Variants in SHC2 observed in about 807,000 individuals in gnomAD.
The protein encoded by SHC2 is SHC-transforming protein 2.
SHC2 carries 62 observed loss-of-function variants against 60.6 expected under a neutral mutation model. That is an observed-to-expected ratio of 1.02 (90% CI 0.83 to 1.26). The LOEUF is 1.26. SHC2 is among the 50% of genes most tolerant of loss of function. The pLI is 0.00. For synonymous variants in SHC2, 375 were observed against 372.4 expected (o/e 1.01, Z -0.08); for missense variants, 873 against 822.2 (o/e 1.06, Z -0.76).
chr19:436,579 G>A lies in SHC2; in HGVS notation c.774+51C>T, dbSNP rs531560343. ...CTGGGGAAGGATGAGAGGGTCTCGC[G>A]GCCGGAGGGGGGCGGCAGGGCTGCA... On this transcript the variant is annotated intron_variant, in intron 5 of 12. Coordinates refer to ENST00000264554, the MANE Select transcript of SHC2 (RefSeq NM_012435.3). The A allele has an allele frequency of 3.3e-5, 52 of 1,589,520 alleles. No homozygotes were observed. In the African/African-American group the frequency reaches 4.7e-4, roughly 14 times the overall value.
At chr19:429,448 C>A (rs1410940946) in intron 9 of SHC2, among the ~76,000 whole-genome samples, 1 of 149,812 alleles carries the variant, frequency 6.7e-6, no homozygotes, top group African/African-American at 2.5e-5. Context: ...TATCTACACC[C>A]AACGTGCACA....
intron 1 of SHC2, among the ~76,000 whole-genome samples, chr19:447,045 A>C (rs1975068998): frequency 6.6e-6 from 1 of 152,244 alleles, no homozygotes; most frequent in African/African-American, 2.4e-5. Flanking sequence ...AATTGCGTTT[A>C]CTTTTTAAAG....
At chr19:455,049 G>C (rs530301670) in intron 1 of SHC2, among the ~76,000 whole-genome samples, 1 of 152,312 alleles carries the variant, frequency 6.6e-6, no homozygotes, top group Non-Finnish European at 1.5e-5. Flanking sequence ...TGAATCCAAC[G>C]TGACCTTGTT....
chr19:441,722 G>C lies in SHC2; in HGVS notation c.469-790C>G, dbSNP rs966497616. Among the ~76,000 whole-genome samples, 1 of 152,240 alleles carries C rather than the reference G, an allele frequency of 6.6e-6. No homozygotes were observed. The highest frequency in any genetic ancestry group is 1.5e-5 in the Non-Finnish European group (1 of 68,046). On this transcript the variant is annotated intron_variant, in intron 1 of 12. Transcript: ENST00000264554. The surrounding 1 kb of genome is among the most constrained non-coding windows in gnomAD (Gnocchi z 4.9). ...CCTACTGGGGTCATGAGAAATTCTG[G>C]AATTAGACAGAAGGGGTGGTGGCAC...
chr19:436,831 G>A (rs749934068), intron 4 of SHC2, 148 bp from the exon 5 acceptor site: 4 of 778,794 alleles, frequency 5.1e-6, no homozygotes, highest in South Asian at 3.4e-5. Context: ...CACTGCAGCC[G>A]GGTCCTGGGT....
rs1208433885 is a variant in SHC2 at position 446,168 on chromosome 19, G to A, written c.469-5236C>T. 6.6e-6 allele frequency among the ~76,000 whole-genome samples: 1 copy of A among 152,110 alleles called. No homozygotes were observed. Among genetic ancestry groups the A allele is most frequent in the Non-Finnish European group, 1.5e-5 (1 of 68,024 alleles). ...AGGCCGGCCCCCAGGCACCAGACAC[G>A]GGAGAGAGGCCTGGGACAGAGCCTC... On this transcript the variant is annotated intron_variant, in intron 1 of 12. Transcript: ENST00000264554. This position sits in a 1 kb window ranked among gnomAD's most constrained non-coding sequence, Gnocchi z 5.4.
chr19:457,872 A>G (rs1176786995), intron 1 of SHC2, among the ~76,000 whole-genome samples: 1 of 152,232 alleles, frequency 6.6e-6, no homozygotes, highest in African/African-American at 2.4e-5. Context: ...GGAGACGGCG[A>G]GGGCGGCCCG....
rs974841145 is a variant in SHC2, at chr19:441,612, C to T, written c.469-680G>A. Among the ~76,000 whole-genome samples, 2 of 152,188 alleles carry T rather than the reference C, an allele frequency of 1.3e-5. No homozygotes were observed. The highest frequency in any genetic ancestry group is 4.8e-5 in the African/African-American group (2 of 41,448). On this transcript the variant is annotated intron_variant, in intron 1 of 12. Coordinates refer to ENST00000264554, the MANE Select transcript of SHC2 (RefSeq NM_012435.3). The surrounding 1 kb of genome is among the most constrained non-coding windows in gnomAD (Gnocchi z 4.9). The stretch of plus-strand genomic sequence containing the variant: ...GGAGGGTAAGGGGCACAGCCCACGT[C>T]ATCTCTATGAAATGTCCTACAGAGG...
intron 1 of SHC2, among the ~76,000 whole-genome samples, chr19:457,509 C>T (rs138524903): frequency 1.5e-3 from 222 of 148,110 alleles, no homozygotes; most frequent in Non-Finnish European, 2.3e-3. Context: ...TCTGCAGAGC[C>T]GCTACCAGAA....
chr19:434,635 A>C (rs545185000), intron 8 of SHC2, 74 bp downstream of exon 8: 2 of 1,418,052 alleles, frequency 1.4e-6, no homozygotes, highest in African/African-American at 1.5e-5. Flanking sequence ...AGCAGAAAGA[A>C]GAGCTGGAGG....
Position 422,824 on chromosome 19 carries a change from G to C in SHC2, c.1310-368C>G. 5.1e-6 allele frequency: 1 copy of C among 194,202 alleles called. No individual in the cohort carries two copies. Among genetic ancestry groups the C allele is most frequent in the Non-Finnish European group, 1.0e-5 (1 of 95,776 alleles). 12.0% of individuals were successfully genotyped at this position (194,202 alleles called of 1,614,324 possible). On this transcript the variant is annotated intron_variant, in intron 10 of 12. Transcript: ENST00000264554. This position sits in a 1 kb window ranked among gnomAD's most constrained non-coding sequence, Gnocchi z 5.0. ...TGTCTGGTCTTACTGCATTGGCCGC[G>C]GGGCCTCCAATGTGCCCTAAATACT... is the stretch of plus-strand genomic sequence containing the variant.
rs1257644022 is a variant in SHC2 at position 430,868 on chromosome 19, C to T, written c.1111-121G>A. ...GGAGACTTAGGGGTGGGGAGCACAGCCCTGGCCCTCCCATTGCTCTCTCAC... is the reference window on the plus strand; with the variant it reads ...GGAGACTTAGGGGTGGGGAGCACAGTCCTGGCCCTCCCATTGCTCTCTCAC... On this transcript the variant is annotated intron_variant, in intron 8 of 12. Transcript: ENST00000264554. 6 of 832,512 alleles carry T rather than the reference C, an allele frequency of 7.2e-6. No individual in the cohort carries two copies. The Admixed American group carries it at 7.4e-5, about 10-fold the overall frequency. The allele number at this position is 832,512 out of a possible 1,614,324, so 51.6% of individuals were successfully genotyped here.
Position 450,299 on chromosome 19 carries a change from C to T in SHC2, c.469-9367G>A, listed in dbSNP as rs188229878. 2.1e-4 allele frequency among the ~76,000 whole-genome samples: 32 copies of T among 152,348 alleles called. No individual in the cohort carries two copies. In the East Asian group the frequency reaches 4.6e-3, roughly 22 times the overall value. ...CAACCTAACTCCACGTGGCCCATGACGCAAGAGAGTGGCGCGTTTTCGTGT... is the reference window on the plus strand; with the variant it reads ...CAACCTAACTCCACGTGGCCCATGATGCAAGAGAGTGGCGCGTTTTCGTGT... On this transcript the variant is annotated intron_variant, in intron 1 of 12. Transcript: ENST00000264554.
chr19:451,005 C>A (rs1975174028), intron 1 of SHC2, among the ~76,000 whole-genome samples: 1 of 132,218 alleles, frequency 7.6e-6, no homozygotes, highest in Admixed American at 7.6e-5. Flanking sequence ...CATGGCTGTG[C>A]CGTATTTCAG....
At chr19:450,390 G>C (rs777484094) in intron 1 of SHC2, among the ~76,000 whole-genome samples, 1 of 152,036 alleles carries the variant, frequency 6.6e-6, no homozygotes, top group Non-Finnish European at 1.5e-5. Flanking sequence ...GTCTTTAATC[G>C]CACGGTTCAG....
At position 430,755 on chromosome 19, in the gene SHC2, CAG is replaced by C. The variant is rs777939744; in HGVS notation, c.1111-10_1111-9del. The C allele has an allele frequency of 6.9e-5, 111 of 1,612,776 alleles. No homozygotes were observed. The highest frequency in any genetic ancestry group is 9.1e-5 in the Non-Finnish European group (107 of 1,179,726). On this transcript the variant is annotated splice_polypyrimidine_tract_variant and intron_variant, in intron 8 of 12. Transcript: ENST00000264554. ...TAGAGAAGGAGATGGGCCCTGGAAA[CAG>C]AGCAGTGAGAGGTTCCCCGGTGTGT...
Position 438,610 on chromosome 19 carries a change from G to A in SHC2, c.720+108C>T. 3 of 1,314,630 alleles carry A rather than the reference G, an allele frequency of 2.3e-6. No homozygotes were observed. Among genetic ancestry groups the A allele is most frequent in the South Asian group, 2.8e-5 (2 of 71,148 alleles). The allele number at this position is 1,314,630 out of a possible 1,614,324, so 81.4% of individuals were successfully genotyped here. A position where few individuals can be genotyped will look rare whatever the true frequency, so the allele number is the denominator to read the frequency against. ...AGCGGGGCCTCGGCTCGTCTTTCTG[G>A]ATAAACGCCACCTGCTGCCCGCCCC... On this transcript the variant is annotated intron_variant, in intron 4 of 12. Coordinates refer to ENST00000264554, the MANE Select transcript of SHC2 (RefSeq NM_012435.3). The surrounding 1 kb of genome is among the most constrained non-coding windows in gnomAD (Gnocchi z 5.0).
chr19:436,073 G>A lies in SHC2; in HGVS notation c.953+92C>T, dbSNP rs1600294561. 14 of 1,403,992 alleles carry A rather than the reference G, an allele frequency of 1.0e-5. No homozygotes were observed. In the East Asian group the frequency reaches 3.3e-4, roughly 33 times the overall value. The allele number at this position is 1,403,992 out of a possible 1,614,324, so 87.0% of individuals were successfully genotyped here. On this transcript the variant is annotated intron_variant, in intron 7 of 12. Coordinates refer to ENST00000264554, the MANE Select transcript of SHC2 (RefSeq NM_012435.3). ...GGGAGGGAGGGACAAGGGCAGGACG[G>A]AGGCTGAGGCCTGCAGGAGGTGGAG...
Position 425,364 on chromosome 19 carries a change from G to A in SHC2, c.1175-133C>T, listed in dbSNP as rs1284976862. 5.4e-6 allele frequency: 4 copies of A among 745,568 alleles called. No individual in the cohort carries two copies. The highest frequency in any genetic ancestry group is 7.4e-6 in the Non-Finnish European group (4 of 542,882). 46.2% of individuals were successfully genotyped at this position (745,568 alleles called of 1,614,324 possible). ...CTGGCTGCAGGGCGGATGCTGCTCT[G>A]GTCTCCCTGTGGTAACCCGCCCGTC... is the stretch of plus-strand genomic sequence containing the variant. On this transcript the variant is annotated intron_variant, in intron 9 of 12. Transcript: ENST00000264554. The surrounding 1 kb of genome is among the most constrained non-coding windows in gnomAD (Gnocchi z 4.1).
Sources: allele counts gnomAD v4.1 joint callset (sites outside exome capture counted in the v4.1 genomes callset), GRCh38; gene constraint gnomAD v4.1.1; non-coding constraint Gnocchi (gnomAD v3.1); transcripts MANE v1.5; gene names NCBI Gene and HGNC (gene_info 2026-07-23, HGNC 2026-07-21).